Variants in RNF212 observed in about 807,000 individuals in gnomAD.
The protein encoded by RNF212 is probable E3 SUMO-protein ligase RNF212.
Under a neutral mutation model 34.7 loss-of-function variants are expected in RNF212, and 33 were observed. The ratio of observed to expected loss-of-function variants is 0.95; its 90% CI spans 0.72 to 1.27. The LOEUF is 1.27. Ranked by LOEUF, RNF212 falls within the 50% of genes most tolerant of loss-of-function variation. The pLI, the probability that RNF212 is intolerant of heterozygous loss-of-function variation, is 0.00. For missense variants in RNF212, 377 were observed against 362.2 expected (o/e 1.04, Z -0.33); for synonymous variants, 140 against 136.1 (o/e 1.03, Z -0.20).
At chr4:1,060,790 AC>A (rs1717697822) in intron 3 of RNF212, among the ~76,000 whole-genome samples, 1 of 152,198 alleles carries the variant, frequency 6.6e-6, no homozygotes, top group Non-Finnish European at 1.5e-5. Flanking sequence ...GCCCCTGCTG[AC>A]AGGTCAGACA....
intron 8 of RNF212, among the ~76,000 whole-genome samples, chr4:1,078,023 A>C (rs1219376335): frequency 6.6e-6 from 1 of 152,058 alleles, no homozygotes; most frequent in Non-Finnish European, 1.5e-5. Flanking sequence ...TCCCTACTGG[A>C]TCCAGTTCTG....
intron 2 of RNF212, chr4:1,101,343 G>T: frequency 4.2e-6 from 1 of 239,980 alleles, no homozygotes; most frequent in Non-Finnish European, 8.6e-6. Context: ...ATTTTTCTCA[G>T]GGAAACCACC....
chr4:1,081,707 G>C (rs1720380964), intron 5 of RNF212, 88 bp from the exon 6 acceptor site: 1 of 909,152 alleles, frequency 1.1e-6, no homozygotes, highest in East Asian at 2.5e-5. Context: ...AGAAGGCTCT[G>C]AATCAGTGAA....
chr4:1,066,762 A>G (rs11247972), downstream of RNF212, among the ~76,000 whole-genome samples: 121,181 of 152,170 alleles, frequency 0.8, 48,718 homozygotes, highest in African/African-American at 0.89. Flanking sequence ...TTTTTACTCT[A>G]TTGATAGTAT....
In RNF212 at chr4:1,056,596, G is replaced by A. The variant is rs116273003; in HGVS notation, n.221-93C>T. 1.2e-4 allele frequency: 71 copies of A among 575,354 alleles called. No homozygotes were observed. In the African/African-American group the frequency reaches 1.3e-3, roughly 11 times the overall value. The allele number at this position is 575,354 out of a possible 1,614,324, so 35.6% of individuals were successfully genotyped here. A position where few individuals can be genotyped will look rare whatever the true frequency, so the allele number is the denominator to read the frequency against. ...TAAAATGTGTATTTTAAAAAATTCA[G>A]ATGTCATCTTAGTATTTTCAGAGTA... On this transcript the variant is annotated intron_variant and non_coding_transcript_variant, in intron 4 of 4. Coordinates refer to the RNF212 transcript ENST00000503206.
chr4:1,107,063 T>C (rs1389653395), intron 2 of RNF212, among the ~76,000 whole-genome samples: 2 of 152,122 alleles, frequency 1.3e-5, no homozygotes, highest in Non-Finnish European at 2.9e-5. Flanking sequence ...ACCATTTTTT[T>C]TTTTTTTAGA....
chr4:1,071,110 C>T (rs1251476149), downstream of RNF212, among the ~76,000 whole-genome samples: 2 of 148,368 alleles, frequency 1.3e-5, no homozygotes, highest in African/African-American at 5.0e-5. Context: ...TTTTAAAAAA[C>T]TAATTTGTTT....
downstream of RNF212, among the ~76,000 whole-genome samples, chr4:1,067,458 T>A (rs1718163839): frequency 6.6e-6 from 1 of 152,112 alleles, no homozygotes; most frequent in African/African-American, 2.4e-5. Flanking sequence ...CAGAGGCACA[T>A]CATGGATTCA....
intron 1 of RNF212, among the ~76,000 whole-genome samples, chr4:1,110,100 C>T (rs752497427): frequency 1.1e-4 from 16 of 152,212 alleles, no homozygotes; most frequent in Non-Finnish European, 1.8e-4. Flanking sequence ...TCATAAAAAT[C>T]GAAAAGTTCT....
At chr4:1,073,230 G>T in intron 9 of RNF212, 37 bp from the exon 10 acceptor site, 1 of 1,602,362 alleles carries the variant, frequency 6.2e-7, no homozygotes, top group Non-Finnish European at 8.5e-7. Flanking sequence ...GTGGGGAGAT[G>T]GCCTGTGTGG....
chr4:1,073,513 G>C (rs1718768785), intron 9 of RNF212, 86 bp downstream of exon 9: 3 of 1,083,346 alleles, frequency 2.8e-6, no homozygotes, highest in Admixed American at 3.5e-5. Flanking sequence ...GGTAGGTTCT[G>C]ACAGCTTTGA....
rs1192331303 is a variant in RNF212 at position 1,081,566 on chromosome 4, C to T, written c.415+1G>A. 1 of 1,610,986 alleles carries T rather than the reference C, an allele frequency of 6.2e-7. No individual in the cohort carries two copies. Among genetic ancestry groups the T allele is most frequent in the East Asian group, 2.2e-5 (1 of 44,874 alleles). On this transcript the variant is annotated splice_donor_variant, in intron 6 of 9. Transcript: ENST00000433731. LOFTEE classifies it high-confidence loss of function. ...TCTCTTTCTGGCATGATTTTACTTA[C>T]TTGAAACTGAACTTTTTATTGTGCT...
intron 1 of RNF212, among the ~76,000 whole-genome samples, chr4:1,110,103 A>G (rs1725425059): frequency 6.6e-6 from 1 of 152,206 alleles, no homozygotes; most frequent in Admixed American, 6.5e-5. Context: ...TAAAAATCGA[A>G]AAGTTCTTAC....
At chr4:1,074,752 C>A (rs1001149494) in intron 8 of RNF212, among the ~76,000 whole-genome samples, 7 of 152,156 alleles carry the variant, frequency 4.6e-5, no homozygotes, top group South Asian at 2.1e-4. Context: ...ACTCCTACCC[C>A]CAAGAAGACA....
chr4:1,104,554 G>T (rs1031515155), intron 2 of RNF212, among the ~76,000 whole-genome samples: 2 of 152,178 alleles, frequency 1.3e-5, no homozygotes, highest in African/African-American at 4.8e-5. Flanking sequence ...GGTAGGTGGG[G>T]AGAATGAGTA....
intron 2 of RNF212, chr4:1,107,169 A>T (rs1383831047): frequency 6.6e-6 from 1 of 151,542 alleles, no homozygotes; most frequent in Middle Eastern, 3.2e-3. Context: ...TTCCTGCCTC[A>T]GCCTCCCAAG....
intron 8 of RNF212, among the ~76,000 whole-genome samples, chr4:1,078,454 C>A (rs369241654): frequency 5.9e-5 from 9 of 152,198 alleles, no homozygotes; most frequent in African/African-American, 4.8e-5. Context: ...ACGGGAGAGC[C>A]GGGCCTGGAC....
At position 1,073,611 on chromosome 4, in the gene RNF212, C is replaced by G. The variant is rs1718783968; in HGVS notation, c.562G>C (p.Asp188His). ...ACATTTTACTTACCCATTCGTCCAT[C>G]TTGAGGTGGACTAATCATGGAGATT... The part of the protein sequence containing the change: ...ARISMISPPQ[D>H]GRMGPHLTAS... The change falls in exon 9 of 10, where the codon GAT becomes CAT. Residue 188 changes from aspartate (D) to histidine (H), a missense_variant. Coordinates refer to ENST00000433731, the MANE Select transcript of RNF212 (RefSeq NM_001131034.4). The G allele has an allele frequency of 6.2e-7, 1 of 1,609,770 alleles. No individual in the cohort carries two copies. Among genetic ancestry groups the G allele is most frequent in the South Asian group, 1.1e-5 (1 of 90,978 alleles).
chr4:1,099,610 C>A, intron 2 of RNF212: 1 of 411,748 alleles, frequency 2.4e-6, no homozygotes, highest in South Asian at 1.8e-5. Context: ...CTCGCACAAT[C>A]CCCAGGAAAA....
Sources: allele counts gnomAD v4.1 joint callset (sites outside exome capture counted in the v4.1 genomes callset), GRCh38; gene constraint gnomAD v4.1.1; transcripts MANE v1.5; gene names NCBI Gene and HGNC (gene_info 2026-07-23, HGNC 2026-07-21).